Variants in CLUAP1 observed in about 807,000 individuals in gnomAD.
CLUAP1 encodes intraflagellar transport 38, also known as clusterin-associated protein 1.
Under a neutral mutation model 55.0 loss-of-function variants are expected in CLUAP1, and 50 were observed. That is an observed-to-expected ratio of 0.91 (90% CI 0.72 to 1.15). The LOEUF is 1.15. Among genes scored for constraint, CLUAP1 ranks in the 50% most tolerant of loss-of-function variants. CLUAP1 has a pLI of 0.00. For synonymous variants in CLUAP1, 195 were observed against 175.4 expected, an observed-to-expected ratio of 1.11 and a Z score of -0.88; for missense variants, 530 against 507.6, an observed-to-expected ratio of 1.04 and a Z score of -0.42.
At chr16:3,519,018 C>T (rs889348674) in intron 6 of CLUAP1, among the ~76,000 whole-genome samples, 1 of 152,186 alleles carries the variant, frequency 6.6e-6, no homozygotes, top group Non-Finnish European at 1.5e-5. Context: ...GGGGGCAGTT[C>T]CACGCTCAGC....
intron 7 of CLUAP1, 23 bp downstream of exon 7, chr16:3,520,059 T>A: frequency 1.3e-6 from 2 of 1,589,236 alleles, no homozygotes; most frequent in Non-Finnish European, 8.5e-7. Context: ...ACTTGGAGAA[T>A]GAGTAGAAAG....
chr16:3,522,459 C>T (rs920665906), intron 7 of CLUAP1, among the ~76,000 whole-genome samples: 2 of 152,072 alleles, frequency 1.3e-5, no homozygotes, highest in Non-Finnish European at 2.9e-5. Context: ...CCACCGCACC[C>T]GGCCAACAGT....
At position 3,536,418 on chromosome 16, in the gene CLUAP1, C is replaced by T; in HGVS notation, c.*147C>T. ...AAGCAATACTTATTTCTGCTTTAGC[C>T]TCCTATGTTTGCATTCCATGAAGCT... On this transcript the variant is annotated 3_prime_UTR_variant, in exon 12 of 12. Coordinates refer to ENST00000576634, the MANE Select transcript of CLUAP1 (RefSeq NM_015041.3). 2.7e-6 allele frequency: 2 copies of T among 752,968 alleles called. No individual in the cohort carries two copies. The highest frequency in any genetic ancestry group is 4.5e-5 in the South Asian group (2 of 44,248). 46.6% of individuals were successfully genotyped at this position (752,968 alleles called of 1,614,324 possible). A position where few individuals can be genotyped will look rare whatever the true frequency, so the allele number is the denominator to read the frequency against.
At chr16:3,515,333 C>T in intron 5 of CLUAP1, 175 bp from the exon 6 acceptor site, 1 of 510,904 alleles carries the variant, frequency 2.0e-6, no homozygotes. Flanking sequence ...GCTGGGTAGG[C>T]ACTCAGATAA....
chr16:3,510,057 C>G (rs1393390305), intron 4 of CLUAP1: 2 of 151,414 alleles, frequency 1.3e-5, no homozygotes, highest in Non-Finnish European at 2.9e-5. Flanking sequence ...TGCAATGGCA[C>G]AATCTCAGCT....
intron 4 of CLUAP1, 26 bp downstream of exon 4, chr16:3,508,494 GGGCGATGGAGC>G: frequency 6.6e-7 from 1 of 1,515,172 alleles, no homozygotes; most frequent in Non-Finnish European, 8.8e-7. Context: ...GCCTTGTAGT[GGGCGATGGAGC>G]GTTGATTTCT....
At position 3,537,671 on chromosome 16, in the gene CLUAP1, A is replaced by G. The variant is rs2151075468; in HGVS notation, c.*1400A>G. ...GTGACAGAGTGAGACCCTGTCTTTA[A>G]AAAAAAGAAAAAGAAAAGCACGCTG... is the stretch of plus-strand genomic sequence containing the variant. On this transcript the variant is annotated 3_prime_UTR_variant, in exon 12 of 12. Coordinates refer to ENST00000576634, the MANE Select transcript of CLUAP1 (RefSeq NM_015041.3). 1 of 151,788 alleles carries G rather than the reference A, an allele frequency of 6.6e-6. No individual in the cohort carries two copies. The highest frequency in any genetic ancestry group is 1.9e-4 in the East Asian group (1 of 5,150). 9.4% of individuals were successfully genotyped at this position (151,788 alleles called of 1,614,324 possible).
intron 8 of CLUAP1, 103 bp downstream of exon 8, chr16:3,523,402 C>T (rs2037877992): frequency 3.8e-6 from 5 of 1,323,632 alleles, no homozygotes; most frequent in Non-Finnish European, 4.1e-6. Flanking sequence ...AATATCAGTA[C>T]ATGTTTTTTC....
chr16:3,531,961 C>A (rs1044732200), intron 10 of CLUAP1, among the ~76,000 whole-genome samples: 1 of 151,992 alleles, frequency 6.6e-6, no homozygotes, highest in Admixed American at 6.6e-5. Context: ...CTCCTGCAAT[C>A]CCAAGTAGCT....
intron 7 of CLUAP1, among the ~76,000 whole-genome samples, chr16:3,521,849 G>GT (rs2037843125): frequency 1.3e-5 from 2 of 151,774 alleles, no homozygotes; most frequent in Admixed American, 1.3e-4. Flanking sequence ...GAACTCAGGG[G>GT]TTCAAGACCA....
chr16:3,505,951 C>G (rs1313924587), intron 2 of CLUAP1, among the ~76,000 whole-genome samples: 1 of 152,172 alleles, frequency 6.6e-6, no homozygotes, highest in Non-Finnish European at 1.5e-5. Flanking sequence ...CCCCTGGTTT[C>G]AATACCTTGA....
At chr16:3,496,289 G>T, upstream of CLUAP1, 1 of 851,200 alleles carries the variant, frequency 1.2e-6, no homozygotes, top group African/African-American at 1.7e-5. Context: ...CTGTTTGTTG[G>T]TCAAGCTGTA....
At chr16:3,496,228 G>A (rs999325765), upstream of CLUAP1, 4 of 610,466 alleles carry the variant, frequency 6.6e-6, no homozygotes, top group African/African-American at 5.6e-5. Context: ...CCACAAGAAG[G>A]ACCTAAAGGT....
intron 9 of CLUAP1, among the ~76,000 whole-genome samples, chr16:3,528,123 C>T (rs757938770): frequency 1.3e-5 from 2 of 152,220 alleles, no homozygotes; most frequent in Admixed American, 6.5e-5. Context: ...CCCTGAACTT[C>T]AGTGTCAAGT....
intron 5 of CLUAP1, among the ~76,000 whole-genome samples, chr16:3,513,796 T>A (rs569216165): frequency 2.3e-4 from 35 of 152,322 alleles, no homozygotes; most frequent in Admixed American, 4.6e-4. Flanking sequence ...TTTATGGCAT[T>A]TGAAGCATAT....
At chr16:3,498,567 G>C (rs2037336582), upstream of CLUAP1, among the ~76,000 whole-genome samples, 1 of 152,178 alleles carries the variant, frequency 6.6e-6, no homozygotes, top group African/African-American at 2.4e-5. Flanking sequence ...CCAGCACTTT[G>C]GGACACTCAG....
rs1199541148 is a variant in CLUAP1 at position 3,529,602 on chromosome 16, TTA to T, written c.929-960_929-959del. 3.5e-3 allele frequency among the ~76,000 whole-genome samples: 117 copies of T among 33,498 alleles called. 2 individuals carry two copies. Among genetic ancestry groups the T allele is most frequent in the South Asian group, 5.2e-3 (5 of 956 alleles). 22.0% of individuals were successfully genotyped at this position (33,498 alleles called of 152,430 possible). ...ATATAATATTATATATTATTATATATTATATATTATATAATATTATATATTAT... is the reference window on the plus strand; with the variant it reads ...ATATAATATTATATATTATTATATATTATATTATATAATATTATATATTAT... On this transcript the variant is annotated intron_variant, in intron 9 of 11. Transcript: ENST00000576634.
intron 2 of CLUAP1, 50 bp downstream of exon 2, chr16:3,504,881 T>C (rs756662554): frequency 9.1e-7 from 1 of 1,094,722 alleles, no homozygotes; most frequent in Non-Finnish European, 1.4e-6. Flanking sequence ...GGGTTTTATT[T>C]ATTAGTCATC....
intron 8 of CLUAP1, among the ~76,000 whole-genome samples, chr16:3,523,559 T>A (rs1171198262): frequency 6.6e-6 from 1 of 152,226 alleles, no homozygotes; most frequent in Non-Finnish European, 1.5e-5. Context: ...GAGGCCTGTG[T>A]GGCTGCGTAA....
Sources: allele counts gnomAD v4.1 joint callset (sites outside exome capture counted in the v4.1 genomes callset), GRCh38; gene constraint gnomAD v4.1.1; transcripts MANE v1.5; gene names NCBI Gene and HGNC (gene_info 2026-07-23, HGNC 2026-07-21).